The following PDS5B variants were observed in gnomAD, a reference collection of about 807,000 sequenced individuals.
The protein encoded by PDS5B is sister chromatid cohesion protein PDS5 homolog B.
A neutral mutation model predicts 184.1 loss-of-function variants in PDS5B; 51 were observed. The ratio of observed to expected loss-of-function variants is 0.28; its 90% CI spans 0.22 to 0.35. PDS5B has a LOEUF of 0.35. Ranked by LOEUF, PDS5B falls within the 10% of genes least tolerant of loss-of-function variation. The pLI is 1.00. For synonymous variants in PDS5B, 566 were observed against 569.2 expected (o/e 0.99, Z 0.08); for missense variants, 1,180 against 1,723.3 (o/e 0.68, Z 5.58).
rs554358569 is a variant in PDS5B, at chr13:32,768,187, G to T, written c.3625-1934G>T. On this transcript the variant is annotated intron_variant, in intron 31 of 34. Coordinates refer to ENST00000315596, the MANE Select transcript of PDS5B (RefSeq NM_015032.4). ...TATTTTCTTACAGTTCTGGAGGCTG[G>T]AAGTACAAGATCAAGGTGCCAGCAG... Among the ~76,000 whole-genome samples, 12 of 152,320 alleles carry T rather than the reference G, an allele frequency of 7.9e-5. No homozygotes were observed. In the South Asian group the frequency reaches 2.5e-3, roughly 32 times the overall value.
chr13:32,704,322 G>A (rs1951945225), intron 17 of PDS5B, among the ~76,000 whole-genome samples: 1 of 152,036 alleles, frequency 6.6e-6, no homozygotes. Context: ...GCATGTGCCA[G>A]CACATCCAGC....
rs747630506 is a variant in PDS5B, at chr13:32,734,014, A to AC, written c.2248-1158_2248-1157insC. Among the ~76,000 whole-genome samples, 915 of 151,150 alleles carry AC rather than the reference A, an allele frequency of 6.1e-3. 7 individuals are homozygous for AC. The highest frequency in any genetic ancestry group is 0.021 in the African/African-American group (854 of 40,992). On this transcript the variant is annotated intron_variant, in intron 20 of 34. Transcript: ENST00000315596. ...CACACACACACACACACACACACAC[A>AC]AACATATATTTTGTTTTCTTTTTTT...
At chr13:32,771,055 A>C in intron 33 of PDS5B, 1 of 249,424 alleles carries the variant, frequency 4.0e-6, no homozygotes, top group Non-Finnish European at 7.6e-6. Context: ...ATCACCACAC[A>C]TTGACCAGGT....
intron 1 of PDS5B, among the ~76,000 whole-genome samples, chr13:32,598,977 A>G (rs1272090324): frequency 2.0e-5 from 3 of 151,682 alleles, no homozygotes; most frequent in Non-Finnish European, 4.4e-5. Flanking sequence ...TCACTGTGTT[A>G]GCCAGGATGG....
intron 10 of PDS5B, among the ~76,000 whole-genome samples, chr13:32,680,162 G>A (rs866711034): frequency 2.0e-5 from 3 of 151,942 alleles, no homozygotes; most frequent in East Asian, 1.9e-4. Context: ...ATCCGAGGCC[G>A]TCTGCTCATG....
intron 1 of PDS5B, among the ~76,000 whole-genome samples, chr13:32,604,477 C>T (rs1236508270): frequency 6.6e-6 from 1 of 152,128 alleles, no homozygotes; most frequent in African/African-American, 2.4e-5. Flanking sequence ...TTTGGTTGGC[C>T]AGTATTTTAG....
At chr13:32,621,938 A>T (rs1018307986) in intron 1 of PDS5B, among the ~76,000 whole-genome samples, 1 of 152,004 alleles carries the variant, frequency 6.6e-6, no homozygotes, top group East Asian at 1.9e-4. Context: ...GGTTTGAACT[A>T]TTCTTTATCT....
chr13:32,727,468 T>G (rs1319437192), intron 19 of PDS5B, among the ~76,000 whole-genome samples: 1 of 152,102 alleles, frequency 6.6e-6, no homozygotes, highest in Non-Finnish European at 1.5e-5. Flanking sequence ...CTCTTTTTAA[T>G]ATTTCTTGAT....
chr13:32,594,321 G>A (rs1217206041), intron 1 of PDS5B, among the ~76,000 whole-genome samples: 1 of 152,212 alleles, frequency 6.6e-6, no homozygotes, highest in African/African-American at 2.4e-5. Flanking sequence ...ATGCAAAAAT[G>A]GGATAATTAC....
chr13:32,750,236 C>T (rs777153566), intron 24 of PDS5B, among the ~76,000 whole-genome samples: 2 of 152,102 alleles, frequency 1.3e-5, no homozygotes, highest in Non-Finnish European at 2.9e-5. Context: ...ATTGACATTG[C>T]AATTAATTTG....
In PDS5B at chr13:32,726,421, G is replaced by T. The variant is rs76898014; in HGVS notation, c.2124-5680G>T. Among the ~76,000 whole-genome samples the T allele has an allele frequency of 4.0e-3, 608 of 152,238 alleles. 5 individuals carry two copies. The highest frequency in any genetic ancestry group is 0.014 in the African/African-American group (582 of 41,540). ...GAATAGCTTTGTATTTGCGCCTTTT[G>T]TGTTTTTTGACAGTTATCTTTGGGA... On this transcript the variant is annotated intron_variant, in intron 19 of 34. Coordinates refer to ENST00000315596, the MANE Select transcript of PDS5B (RefSeq NM_015032.4).
chr13:32,690,434 G>C (rs1951516406), intron 13 of PDS5B: 1 of 152,088 alleles, frequency 6.6e-6, no homozygotes, highest in Non-Finnish European at 1.5e-5. Context: ...TGAGTATGAA[G>C]GTGTTCCAAG....
rs1300932748 is a variant in PDS5B, at chr13:32,716,968, T to TG, written c.2123+6869dup. Among the ~76,000 whole-genome samples, 163 of 79,812 alleles carry TG rather than the reference T, an allele frequency of 2.0e-3. 4 individuals are homozygous for TG. Among genetic ancestry groups the TG allele is most frequent in the Non-Finnish European group, 3.3e-3 (130 of 39,624 alleles). The allele number at this position is 79,812 out of a possible 152,430, so 52.4% of individuals were successfully genotyped here. Reference sequence around the variant, plus strand: ...CCAGCCACCCCGTCCGGGAGGGAGGTGGGGGGGTCAGTCCCCCGCCCGGCC... The same window carrying TG: ...CCAGCCACCCCGTCCGGGAGGGAGGTGGGGGGGGTCAGTCCCCCGCCCGGCC... On this transcript the variant is annotated intron_variant, in intron 19 of 34. Coordinates refer to ENST00000315596, the MANE Select transcript of PDS5B (RefSeq NM_015032.4).
chr13:32,696,925 TA>T (rs762175251), intron 15 of PDS5B, 23 bp downstream of exon 15: 15 of 1,357,932 alleles, frequency 1.1e-5, no homozygotes, highest in Non-Finnish European at 1.2e-5. Context: ...AAAATCTGTA[TA>T]AAAATGTAAT....
intron 7 of PDS5B, among the ~76,000 whole-genome samples, chr13:32,672,645 A>G (rs1950968376): frequency 6.6e-6 from 1 of 152,232 alleles, no homozygotes; most frequent in Non-Finnish European, 1.5e-5. Flanking sequence ...GTCCAAAGGC[A>G]GGAAAACCTG....
intron 1 of PDS5B, among the ~76,000 whole-genome samples, chr13:32,610,951 T>C (rs1192877331): frequency 6.6e-6 from 1 of 152,156 alleles, no homozygotes; most frequent in African/African-American, 2.4e-5. Flanking sequence ...TATTGAAAAG[T>C]TTAAGTGAGG....
chr13:32,652,117 G>T, intron 3 of PDS5B, 110 bp downstream of exon 3: 3 of 736,514 alleles, frequency 4.1e-6, no homozygotes, highest in Non-Finnish European at 6.9e-6. Flanking sequence ...TTTGACATTA[G>T]CTACAGTAAT....
chr13:32,646,368 T>TG (rs1453082348), intron 1 of PDS5B, among the ~76,000 whole-genome samples: 1 of 54,202 alleles, frequency 1.8e-5, no homozygotes, highest in Non-Finnish European at 4.2e-5. Context: ...CTCATGGCTG[T>TG]GTTTTTTTTT....
chr13:32,745,219 A>G (rs1179096489), intron 23 of PDS5B, among the ~76,000 whole-genome samples: 1 of 152,236 alleles, frequency 6.6e-6, no homozygotes, highest in Non-Finnish European at 1.5e-5. Flanking sequence ...TTCTGTGCTT[A>G]GCACAGTAGT....
Sources: gnomAD v4.1 joint callset for allele counts (sites outside exome capture counted in the v4.1 genomes callset) on GRCh38, gnomAD v4.1.1 for gene constraint, MANE v1.5 for transcripts, NCBI Gene and HGNC (gene_info 2026-07-23, HGNC 2026-07-21) for gene names.